Variants in USO1 observed in about 807,000 individuals in gnomAD.
USO1 encodes the protein general vesicular transport factor p115.
USO1 carries 57 observed loss-of-function variants against 124.5 expected under a neutral mutation model. The ratio of observed to expected loss-of-function variants is 0.46; its 90% CI spans 0.37 to 0.57. The LOEUF is 0.57. USO1 is among the 20% of genes least tolerant of loss of function. USO1 has a pLI of 0.00. For synonymous variants in USO1, 369 were observed against 362.8 expected, an observed-to-expected ratio of 1.02 and a Z score of -0.19; for missense variants, 900 against 1,040.6, an observed-to-expected ratio of 0.86 and a Z score of 1.86.
At chr4:75,737,891 G>A (rs1232569533) in intron 1 of USO1, among the ~76,000 whole-genome samples, 2 of 151,902 alleles carry the variant, frequency 1.3e-5, no homozygotes, top group South Asian at 2.1e-4. Context: ...GTAGTGGCGT[G>A]ATCTCGGCTC....
chr4:75,741,788 G>C (rs1417137380), intron 1 of USO1, among the ~76,000 whole-genome samples: 5 of 151,844 alleles, frequency 3.3e-5, no homozygotes, highest in African/African-American at 1.2e-4. Context: ...CATTTTTGTA[G>C]AGATGGGGTT....
chr4:75,728,477 C>T (rs1720527835), intron 1 of USO1, among the ~76,000 whole-genome samples: 1 of 152,092 alleles, frequency 6.6e-6, no homozygotes, highest in African/African-American at 2.4e-5. Flanking sequence ...TGGTGAAACC[C>T]TGTCTCTACT....
At chr4:75,805,504 C>T (rs1470385005) in intron 19 of USO1, among the ~76,000 whole-genome samples, 2 of 151,878 alleles carry the variant, frequency 1.3e-5, no homozygotes, top group Non-Finnish European at 2.9e-5. Context: ...GTCAGGAGTT[C>T]AAGACTAGCC....
intron 1 of USO1, among the ~76,000 whole-genome samples, chr4:75,744,461 C>G (rs1281164532): frequency 6.6e-6 from 1 of 152,150 alleles, no homozygotes; most frequent in African/African-American, 2.4e-5. Flanking sequence ...ACTCTGTCGC[C>G]CAGGCCAGAG....
At chr4:75,758,721 T>TA (rs1352454707) in intron 4 of USO1, among the ~76,000 whole-genome samples, 1 of 152,008 alleles carries the variant, frequency 6.6e-6, no homozygotes, top group Non-Finnish European at 1.5e-5. Flanking sequence ...CCATCTCATT[T>TA]AAAAAAAATT....
chr4:75,797,173 C>T (rs951157486), intron 13 of USO1, among the ~76,000 whole-genome samples: 2 of 151,716 alleles, frequency 1.3e-5, no homozygotes, highest in Non-Finnish European at 2.9e-5. Flanking sequence ...GGTCTCCAAT[C>T]CCCCCAAAAA....
chr4:75,779,371 T>C (rs1722157718), intron 8 of USO1, among the ~76,000 whole-genome samples: 1 of 152,222 alleles, frequency 6.6e-6, no homozygotes, highest in Non-Finnish European at 1.5e-5. Flanking sequence ...CTGCTGAAGA[T>C]ACAGAGGAAG....
intron 1 of USO1, among the ~76,000 whole-genome samples, chr4:75,736,595 G>A (rs963770605): frequency 3.3e-5 from 5 of 152,016 alleles, no homozygotes; most frequent in Admixed American, 6.6e-5. Context: ...GGGCCACCGC[G>A]CCTGGCCAGC....
chr4:75,739,123 A>G (rs1720882580), intron 1 of USO1, among the ~76,000 whole-genome samples: 2 of 152,146 alleles, frequency 1.3e-5, no homozygotes, highest in Admixed American at 6.6e-5. Context: ...AAGTGCTGAG[A>G]TTACAGGCGT....
At chr4:75,730,900 G>A (rs747211457) in intron 1 of USO1, among the ~76,000 whole-genome samples, 4 of 151,934 alleles carry the variant, frequency 2.6e-5, no homozygotes, top group African/African-American at 9.7e-5. Flanking sequence ...CCTCCTGTCA[G>A]CTTCCCAAAG....
intron 1 of USO1, among the ~76,000 whole-genome samples, chr4:75,744,018 C>T (rs187811057): frequency 2.6e-5 from 4 of 152,224 alleles, no homozygotes; most frequent in East Asian, 1.9e-4. Flanking sequence ...CCTCATGATC[C>T]GCCCGCCATG....
intron 3 of USO1, 115 bp from the exon 4 acceptor site, chr4:75,757,382 C>T: frequency 1.1e-6 from 1 of 946,690 alleles, no homozygotes; most frequent in Non-Finnish European, 1.4e-6. Context: ...CTGATATTTT[C>T]TTAGAGTATG....
Position 75,784,421 on chromosome 4 carries a change from G to A in USO1, c.855+1563G>A, listed in dbSNP as rs766958985. Among the ~76,000 whole-genome samples the A allele has an allele frequency of 8.5e-5, 13 of 152,164 alleles. No homozygotes were observed. The East Asian group carries it at 1.2e-3, about 14-fold the overall frequency. ...GATGATATAAAAAAGCATGTATTTC[G>A]TATCAAACAGTGAAAATTTAAATTG... On this transcript the variant is annotated intron_variant, in intron 9 of 23. Transcript: ENST00000514213.
chr4:75,780,835 C>T (rs1340116510), intron 8 of USO1, among the ~76,000 whole-genome samples: 1 of 149,958 alleles, frequency 6.7e-6, no homozygotes, highest in Non-Finnish European at 1.5e-5. Context: ...TTATTAGAGA[C>T]AGGGTTTCAC....
At chr4:75,805,047 G>A (rs953748793) in intron 18 of USO1, 93 bp from the exon 19 acceptor site, 51 of 1,429,162 alleles carry the variant, frequency 3.6e-5, no homozygotes, top group Admixed American at 1.2e-4. Flanking sequence ...CAAAGTAATT[G>A]AATGAAGAAA....
chr4:75,751,722 T>C lies in USO1; in HGVS notation c.67-651T>C, dbSNP rs1721301283. Among the ~76,000 whole-genome samples the C allele has an allele frequency of 2.0e-5, 3 of 151,546 alleles. No homozygotes were observed. The South Asian group carries it at 6.3e-4, about 32-fold the overall frequency. On this transcript the variant is annotated intron_variant, in intron 1 of 23. Coordinates refer to ENST00000514213, the MANE Select transcript of USO1 (RefSeq NM_003715.4). ...GGCAGGTGCCTGTAATCCCATCTTT[T>C]CAGGGGGGCCGAGGCAGTAGAATCA...
At chr4:75,796,950 ACTTAT>A (rs1353286036) in intron 13 of USO1, among the ~76,000 whole-genome samples, 3 of 136,726 alleles carry the variant, frequency 2.2e-5, no homozygotes, top group African/African-American at 8.3e-5. Flanking sequence ...TTTTTCTCAG[ACTTAT>A]CTTTTATGGC....
At chr4:75,756,610 G>A (rs1464165845) in intron 3 of USO1, among the ~76,000 whole-genome samples, 9 of 150,728 alleles carry the variant, frequency 6.0e-5, no homozygotes, top group African/African-American at 1.7e-4. Flanking sequence ...AGGTTCAAGC[G>A]ATTCTCCTGC....
chr4:75,744,277 A>G (rs558518968), intron 1 of USO1, among the ~76,000 whole-genome samples: 1 of 152,334 alleles, frequency 6.6e-6, no homozygotes, highest in South Asian at 2.1e-4. Context: ...CCTCAGGGTT[A>G]CCACAATAAA....
Sources: gnomAD v4.1 joint callset for allele counts (sites outside exome capture counted in the v4.1 genomes callset) on GRCh38, gnomAD v4.1.1 for gene constraint, MANE v1.5 for transcripts, NCBI Gene and HGNC (gene_info 2026-07-23, HGNC 2026-07-21) for gene names.